MTARC2: variants seen among roughly 807,000 people sequenced by gnomAD.
MTARC2 encodes mitochondrial amidoxime reducing component 2.
MTARC2 carries 27 observed loss-of-function variants against 35.6 expected under a neutral mutation model. The ratio of observed to expected loss-of-function variants is 0.76; its 90% CI spans 0.56 to 1.04. The LOEUF is 1.04. Among genes scored for constraint, MTARC2 ranks in the 50% least tolerant of loss-of-function variants. The pLI, the probability that MTARC2 is intolerant of heterozygous loss-of-function variation, is 0.00. For synonymous variants in MTARC2, 158 were observed against 167.1 expected, an observed-to-expected ratio of 0.95 and a Z score of 0.42; for missense variants, 412 against 432.5, an observed-to-expected ratio of 0.95 and a Z score of 0.42.
rs1045265256 is a variant in MTARC2 at position 220,784,286 on chromosome 1, C to G, written c.*399C>G. The stretch of plus-strand genomic sequence containing the variant: ...TTTTAAAATGTGTGCCTTTTATTAC[C>G]TATCAGTCTATGTTTTGGGAGAAAT... On this transcript the variant is annotated 3_prime_UTR_variant, in exon 8 of 8. Coordinates refer to ENST00000366913, the MANE Select transcript of MTARC2 (RefSeq NM_017898.5). The G allele has an allele frequency of 7.7e-6, 2 of 258,936 alleles. No individual in the cohort carries two copies. Among genetic ancestry groups the G allele is most frequent in the Non-Finnish European group, 1.5e-5 (2 of 133,946 alleles). The allele number at this position is 258,936 out of a possible 1,614,324, so 16.0% of individuals were successfully genotyped here.
intron 4 of MTARC2, among the ~76,000 whole-genome samples, chr1:220,770,114 C>A (rs1276809974): frequency 6.6e-6 from 1 of 151,338 alleles, no homozygotes; most frequent in Non-Finnish European, 1.5e-5. Flanking sequence ...CTCAAAAAAA[C>A]AAAAACAAAA....
rs1324748628 is a variant in MTARC2 at position 220,761,683 on chromosome 1, A to G, written c.472A>G (p.Arg158Gly). 6.2e-7 allele frequency: 1 copy of G among 1,613,800 alleles called. No individual in the cohort carries two copies. Among genetic ancestry groups the G allele is most frequent in the Admixed American group, 1.7e-5 (1 of 59,906 alleles). Reference protein sequence around the residue: ...CRIFGLDIKGRDCGNEAAKWF... With the variant: ...CRIFGLDIKGGDCGNEAAKWF... ...GATATTTGGCCTTGACATTAAAGGC[A>G]GAGACTGTGGCAATGAGGCAGCTAA... is the stretch of plus-strand genomic sequence containing the variant. The change falls in exon 3 of 8, where the codon AGA becomes GGA. Residue 158 changes from arginine to glycine, a missense_variant. By Grantham distance (125) the Arg-to-Gly change is moderately radical (BLOSUM62 -2). Transcript: ENST00000366913.
chr1:220,781,692 T>C, intron 6 of MTARC2, 86 bp from the exon 7 acceptor site: 9 of 1,443,168 alleles, frequency 6.2e-6, no homozygotes, highest in South Asian at 6.2e-5. Flanking sequence ...TATAAATAAC[T>C]TGGAAGGCAA....
chr1:220,750,367 G>T (rs540539284), intron 1 of MTARC2, among the ~76,000 whole-genome samples: 28 of 152,242 alleles, frequency 1.8e-4, no homozygotes, highest in African/African-American at 5.8e-4. Flanking sequence ...TCGCTTGAAG[G>T]GTTGGTTTCA....
At chr1:220,781,569 G>C (rs1274099548) in intron 6 of MTARC2, among the ~76,000 whole-genome samples, 1 of 152,168 alleles carries the variant, frequency 6.6e-6, no homozygotes, top group African/African-American at 2.4e-5. Context: ...TGAAGCCATG[G>C]AGAAATTGCG....
At chr1:220,783,648 C>T (rs1277668249) in intron 7 of MTARC2, among the ~76,000 whole-genome samples, 2 of 152,158 alleles carry the variant, frequency 1.3e-5, no homozygotes. Flanking sequence ...CCCAGAAGGC[C>T]TTGTGTAATC....
chr1:220,776,099 A>C (rs9970623), intron 4 of MTARC2, among the ~76,000 whole-genome samples: 3,614 of 152,308 alleles, frequency 0.024, 108 homozygotes, highest in African/African-American at 0.064. Flanking sequence ...TGAGAAATCT[A>C]CAGATCGCTT....
Position 220,780,210 on chromosome 1 carries a change from C to T in MTARC2, c.855C>T (p.Asp285=). The T allele has an allele frequency of 6.2e-7, 1 of 1,612,626 alleles. No homozygotes were observed. Among genetic ancestry groups the T allele is most frequent in the Non-Finnish European group, 8.5e-7 (1 of 1,179,578 alleles). Residue 285 remains aspartate (D), a synonymous_variant, in exon 6 of 8, where the codon GAC becomes GAT. Transcript: ENST00000366913. ...TGGACCCAGACACTGGAGTCATAGA[C>T]AGGAAACAGCCACTGGACACCCTGA... ...TTVDPDTGVI[D]RKQPLDTLKS...
intron 1 of MTARC2, among the ~76,000 whole-genome samples, chr1:220,749,312 T>G (rs1018255613): frequency 1.3e-5 from 2 of 152,122 alleles, no homozygotes; most frequent in African/African-American, 4.8e-5. Flanking sequence ...ATACTTGCCA[T>G]TAAGGGAATA....
intron 2 of MTARC2, among the ~76,000 whole-genome samples, chr1:220,760,206 C>A (rs553811733): frequency 6.6e-6 from 1 of 152,300 alleles, no homozygotes; most frequent in East Asian, 1.9e-4. Context: ...GAGGGAAAAA[C>A]ATACAGGGAC....
At chr1:220,778,412 C>T (rs1671976547) in intron 4 of MTARC2, among the ~76,000 whole-genome samples, 1 of 152,080 alleles carries the variant, frequency 6.6e-6, no homozygotes, top group Non-Finnish European at 1.5e-5. Flanking sequence ...GAAGCGGAAG[C>T]AAGAGAGCGA....
chr1:220,782,997 T>C (rs996269093), intron 7 of MTARC2, among the ~76,000 whole-genome samples: 1 of 152,228 alleles, frequency 6.6e-6, no homozygotes, highest in African/African-American at 2.4e-5. Flanking sequence ...GATCCAGTCT[T>C]AGGTTCCATA....
chr1:220,751,625 CA>C (rs2102540610), intron 1 of MTARC2, among the ~76,000 whole-genome samples: 1 of 152,274 alleles, frequency 6.6e-6, no homozygotes, highest in Non-Finnish European at 1.5e-5. Context: ...CTCCCCAGGC[CA>C]GTTTGTAATT....
At chr1:220,756,016 C>G (rs559623697) in intron 2 of MTARC2, among the ~76,000 whole-genome samples, 52 of 152,278 alleles carry the variant, frequency 3.4e-4, no homozygotes, top group Non-Finnish European at 6.3e-4. Context: ...CAGAGCTTTT[C>G]AAGTTGACTC....
In MTARC2 at chr1:220,754,191, G is replaced by C. The variant is rs1442821985; in HGVS notation, c.273-756G>C. On this transcript the variant is annotated intron_variant, in intron 1 of 7. Coordinates refer to ENST00000366913, the MANE Select transcript of MTARC2 (RefSeq NM_017898.5). ...TGTGTGGTACAGCCCCAACCTATAT[G>C]CTAGGCTGTAGGTAAAAGCCTAACC... Among the ~76,000 whole-genome samples, 3 of 152,066 alleles carry C rather than the reference G, an allele frequency of 2.0e-5. No homozygotes were observed. In the South Asian group the frequency reaches 6.2e-4, roughly 32 times the overall value.
chr1:220,758,482 C>T (rs549369862), intron 2 of MTARC2, among the ~76,000 whole-genome samples: 8 of 150,954 alleles, frequency 5.3e-5, no homozygotes, highest in African/African-American at 9.7e-5. Flanking sequence ...TGCGATGGCA[C>T]GATCTCAGCT....
At chr1:220,780,386 A>G (rs747324953) in intron 6 of MTARC2, 147 bp downstream of exon 6, 4 of 618,010 alleles carry the variant, frequency 6.5e-6, no homozygotes, top group Non-Finnish European at 1.1e-5. Flanking sequence ...ATTCGCGTCT[A>G]TTGGTTAATG....
intron 1 of MTARC2, among the ~76,000 whole-genome samples, chr1:220,754,062 CA>C (rs1475017061): frequency 6.6e-6 from 1 of 152,064 alleles, no homozygotes; most frequent in African/African-American, 2.4e-5. Flanking sequence ...CGAAATGAAA[CA>C]AAACAACTAA....
intron 2 of MTARC2, among the ~76,000 whole-genome samples, chr1:220,758,581 G>C (rs942061116): frequency 6.6e-6 from 1 of 151,854 alleles, no homozygotes; most frequent in Non-Finnish European, 1.5e-5. Context: ...CACCACACCC[G>C]GCTAATTTTT....
Sources: gnomAD v4.1 joint callset for allele counts (sites outside exome capture counted in the v4.1 genomes callset) on GRCh38, gnomAD v4.1.1 for gene constraint, MANE v1.5 for transcripts, NCBI Gene and HGNC (gene_info 2026-07-23, HGNC 2026-07-21) for gene names.